RNF19A: variants seen among roughly 807,000 people sequenced by gnomAD.
The protein encoded by RNF19A is E3 ubiquitin-protein ligase RNF19A.
A neutral mutation model predicts 75.7 loss-of-function variants in RNF19A; 32 were observed. That is an observed-to-expected ratio of 0.42 (90% confidence interval 0.32 to 0.57). The LOEUF (loss-of-function observed/expected upper bound fraction) is 0.57, where lower values mean the gene tolerates loss of function less well. Among genes scored for constraint, RNF19A ranks in the 20% least tolerant of loss-of-function variants. The pLI is 0.10. For synonymous variants in RNF19A, 335 were observed against 345.2 expected (o/e 0.97, Z 0.33); for missense variants, 782 against 1,036.3 (o/e 0.75, Z 3.37).
Position 100,325,001 on chromosome 8 carries a change from G to C in RNF19A, c.-243+11107C>G, listed in dbSNP as rs1822513896. Among the ~76,000 whole-genome samples the C allele has an allele frequency of 6.6e-6, 1 of 151,924 alleles. No homozygotes were observed. Among genetic ancestry groups the C allele is most frequent in the Non-Finnish European group, 1.5e-5 (1 of 68,012 alleles). Reference sequence around the variant, plus strand: ...AGCTTACTGCAAACTCCACCTCCCAGGTTCAACCCATTCTCCTGCCTCAGC... The same window carrying C: ...AGCTTACTGCAAACTCCACCTCCCACGTTCAACCCATTCTCCTGCCTCAGC... On this transcript the variant is annotated intron_variant, in intron 1 of 3. Coordinates refer to the RNF19A transcript ENST00000519527. The surrounding 1 kb of genome is among the most constrained non-coding windows in gnomAD (Gnocchi z 4.3).
At chr8:100,271,062 T>A (rs181372799) in intron 3 of RNF19A, among the ~76,000 whole-genome samples, 79 of 152,260 alleles carry the variant, frequency 5.2e-4, no homozygotes, top group African/African-American at 1.8e-3. Flanking sequence ...TTAAGCTATA[T>A]TCCATTCTTT....
intron 1 of RNF19A, among the ~76,000 whole-genome samples, chr8:100,290,272 TTG>T (rs1821228381): frequency 6.6e-6 from 1 of 152,134 alleles, no homozygotes; most frequent in African/African-American, 2.4e-5. Flanking sequence ...TGGCTAATTT[TTG>T]TATTTTTAGT....
chr8:100,303,521 G>T (rs1452734575), intron 1 of RNF19A: 1 of 151,974 alleles, frequency 6.6e-6, no homozygotes, highest in Admixed American at 6.6e-5. Flanking sequence ...TCTTTTGTGG[G>T]GTTACCATGC....
At chr8:100,310,157 G>T (rs931925403), upstream of RNF19A, 26 of 982,118 alleles carry the variant, frequency 2.6e-5, no homozygotes, top group Admixed American at 1.4e-3. Context: ...TCTTCCTCCC[G>T]CCCCCGGCCG....
rs1007603554 is a variant in RNF19A at position 100,275,409 on chromosome 8, G to T, written c.675-248C>A. ...TCAGGGTTTTTTTTTTAGGTTCAGG[G>T]TTTTTTTTTTAGATTCAGGGGGTAC... On this transcript the variant is annotated intron_variant, in intron 2 of 9. Coordinates refer to ENST00000341084, the MANE Select transcript of RNF19A (RefSeq NM_183419.4). This position sits in a 1 kb window ranked among gnomAD's most constrained non-coding sequence, Gnocchi z 4.3. Among the ~76,000 whole-genome samples the T allele has an allele frequency of 1.4e-5, 2 of 146,696 alleles. No individual in the cohort carries two copies. The highest frequency in any genetic ancestry group is 6.8e-5 in the Admixed American group (1 of 14,646).
rs1472228686 is a variant in RNF19A, at chr8:100,324,169, A to G, written c.-242-10797T>C. Among the ~76,000 whole-genome samples the G allele has an allele frequency of 6.6e-6, 1 of 152,226 alleles. No individual in the cohort carries two copies. Among genetic ancestry groups the G allele is most frequent in the African/African-American group, 2.4e-5 (1 of 41,458 alleles). On this transcript the variant is annotated intron_variant, in intron 1 of 3. Transcript: ENST00000519527. The surrounding 1 kb of genome is among the most constrained non-coding windows in gnomAD (Gnocchi z 4.2). The stretch of plus-strand genomic sequence containing the variant: ...TATTTTTTACAGCGGAGGAAGCCCA[A>G]TCTAGATTTATAAAGTTAGTTCCAT...
At chr8:100,310,358 T>G (rs1822259135), upstream of RNF19A, 4 of 584,184 alleles carry the variant, frequency 6.8e-6, no homozygotes, top group African/African-American at 2.0e-5. Flanking sequence ...GGACTTCGCC[T>G]CGAGCGCGCC....
intron 1 of RNF19A, among the ~76,000 whole-genome samples, chr8:100,305,597 C>T (rs1254910927): frequency 6.6e-6 from 1 of 152,148 alleles, no homozygotes; most frequent in Non-Finnish European, 1.5e-5. Context: ...CATTGTATTT[C>T]TATTGGACAA....
rs1304928555 is a variant in RNF19A, at chr8:100,330,498, A to G, written c.-243+5610T>C. 2.6e-5 allele frequency among the ~76,000 whole-genome samples: 4 copies of G among 152,142 alleles called. No homozygotes were observed. The highest frequency in any genetic ancestry group is 5.9e-5 in the Non-Finnish European group (4 of 68,018). On this transcript the variant is annotated intron_variant, in intron 1 of 3. Transcript: ENST00000519527. The surrounding 1 kb of genome is among the most constrained non-coding windows in gnomAD (Gnocchi z 4.1). ...GAATTAGTGATGAGATTTTTACTGG[A>G]ACTATTAGGAACTGTTGGGGACACT...
In RNF19A at chr8:100,332,304, T is replaced by C. The variant is rs1822622421; in HGVS notation, c.-243+3804A>G. ...ATGGTGGTAATTTCCCCCATGTTGT[T>C]CTCATGATAGTGAGTGAGTTCTCAC... On this transcript the variant is annotated intron_variant, in intron 1 of 3. Transcript: ENST00000519527. The surrounding 1 kb of genome is among the most constrained non-coding windows in gnomAD (Gnocchi z 4.8). 6.6e-6 allele frequency among the ~76,000 whole-genome samples: 1 copy of C among 151,298 alleles called. No homozygotes were observed. Among genetic ancestry groups the C allele is most frequent in the South Asian group, 2.1e-4 (1 of 4,820 alleles).
chr8:100,272,174 A>C (rs1031781226), intron 3 of RNF19A, among the ~76,000 whole-genome samples: 4 of 152,184 alleles, frequency 2.6e-5, no homozygotes, highest in African/African-American at 9.7e-5. Context: ...AAAATGAAAA[A>C]TATGTGGTTC....
chr8:100,299,440 A>G (rs1401021927), intron 1 of RNF19A, among the ~76,000 whole-genome samples: 2 of 152,222 alleles, frequency 1.3e-5, no homozygotes, highest in African/African-American at 4.8e-5. Flanking sequence ...GATTAATGTG[A>G]TTCTACTATT....
intron 2 of RNF19A, among the ~76,000 whole-genome samples, chr8:100,285,018 C>T (rs1403414774): frequency 6.6e-6 from 1 of 152,132 alleles, no homozygotes; most frequent in Admixed American, 6.5e-5. Context: ...TCTTCCTACT[C>T]TCAAGAGGTA....
In RNF19A at chr8:100,331,228, G is replaced by A. The variant is rs1193977370; in HGVS notation, c.-243+4880C>T. On this transcript the variant is annotated intron_variant, in intron 1 of 3. Transcript: ENST00000519527. The surrounding 1 kb of genome is among the most constrained non-coding windows in gnomAD (Gnocchi z 5.2). ...AGCTGTATCTGAATCTCAGTTTGGA[G>A]AGAATCCAAGTGGCCGTCCTTTTGA... 6.6e-6 allele frequency among the ~76,000 whole-genome samples: 1 copy of A among 152,228 alleles called. No homozygotes were observed. The highest frequency in any genetic ancestry group is 1.5e-5 in the Non-Finnish European group (1 of 68,030).
At chr8:100,263,449 A>G (rs1819821109) in intron 7 of RNF19A, among the ~76,000 whole-genome samples, 1 of 152,234 alleles carries the variant, frequency 6.6e-6, no homozygotes, top group Non-Finnish European at 1.5e-5. Context: ...CAAAAATCTG[A>G]TTGAGGCCAG....
In RNF19A at chr8:100,330,609, G is replaced by C. The variant is rs1822596765; in HGVS notation, c.-243+5499C>G. On this transcript the variant is annotated intron_variant, in intron 1 of 3. Coordinates refer to the RNF19A transcript ENST00000519527. This position sits in a 1 kb window ranked among gnomAD's most constrained non-coding sequence, Gnocchi z 4.1. Reference sequence around the variant, plus strand: ...GAATAAAGCCAACACAGAAAAGTGGGTGTTGGGGAGGGTGGAGAAAGAGAA... The same window carrying C: ...GAATAAAGCCAACACAGAAAAGTGGCTGTTGGGGAGGGTGGAGAAAGAGAA... Among the ~76,000 whole-genome samples the C allele has an allele frequency of 6.6e-6, 1 of 152,352 alleles. No homozygotes were observed. Among genetic ancestry groups the C allele is most frequent in the African/African-American group, 2.4e-5 (1 of 41,580 alleles).
At chr8:100,309,747 TTTCTGTC>T (rs1403816281) in intron 1 of RNF19A, 113 bp downstream of exon 1, 1 of 984,740 alleles carries the variant, frequency 1.0e-6, no homozygotes, top group African/African-American at 1.7e-5. Flanking sequence ...TCCGAATCCA[TTTCTGTC>T]CCGGGCAGGG....
At position 100,285,577 on chromosome 8, in the gene RNF19A, A is replaced by G. The variant is rs141641606; in HGVS notation, c.674+1924T>C. 2.5e-3 allele frequency among the ~76,000 whole-genome samples: 378 copies of G among 152,170 alleles called. 2 individuals are homozygous for G. The highest frequency in any genetic ancestry group is 8.5e-3 in the African/African-American group (352 of 41,526). On this transcript the variant is annotated intron_variant, in intron 2 of 9. Coordinates refer to ENST00000341084, the MANE Select transcript of RNF19A (RefSeq NM_183419.4). ...TTGTGTCCCTGAATTTACTGTCTTA[A>G]TATCTCCTGGCCAAAGGCTGTGACA...
rs377100325 is a variant in RNF19A at position 100,325,442 on chromosome 8, A to G, written c.-243+10666T>C. On this transcript the variant is annotated intron_variant, in intron 1 of 3. Coordinates refer to the RNF19A transcript ENST00000519527. The surrounding 1 kb of genome is among the most constrained non-coding windows in gnomAD (Gnocchi z 4.3). ...TCTGTTTAACCTGGCCAGTTTCATG[A>G]TCTCTGATGCTGGTGAGACCACACC... 6.6e-6 allele frequency among the ~76,000 whole-genome samples: 1 copy of G among 152,238 alleles called. No homozygotes were observed. Among genetic ancestry groups the G allele is most frequent in the Admixed American group, 6.5e-5 (1 of 15,294 alleles).
Sources: allele counts gnomAD v4.1 joint callset (sites outside exome capture counted in the v4.1 genomes callset), GRCh38; gene constraint gnomAD v4.1.1; non-coding constraint Gnocchi (gnomAD v3.1); transcripts MANE v1.5; gene names NCBI Gene and HGNC (gene_info 2026-07-23, HGNC 2026-07-21).